The following ADARB2 variants were observed in gnomAD, a reference collection of about 807,000 sequenced individuals.
ADARB2 encodes the protein inactive double-stranded RNA-specific editase B2.
ADARB2 carries 25 observed loss-of-function variants against 62.2 expected under a neutral mutation model. That is an observed-to-expected ratio of 0.40 (90% CI 0.29 to 0.56). ADARB2 has a LOEUF of 0.56. Ranked by LOEUF, ADARB2 falls within the 20% of genes least tolerant of loss-of-function variation. The pLI is 0.43. For missense variants in ADARB2, 1,071 were observed against 1,077.4 expected (o/e 0.99, Z 0.08); for synonymous variants, 572 against 500.8 (o/e 1.14, Z -1.90).
chr10:1,261,415 G>C (rs2131790635), intron 4 of ADARB2, among the ~76,000 whole-genome samples: 1 of 148,114 alleles, frequency 6.8e-6, no homozygotes, highest in East Asian at 2.0e-4. Context: ...CTGACAAAGG[G>C]CTAATACCCA....
At chr10:1,711,111 C>T (rs181965802) in intron 1 of ADARB2, among the ~76,000 whole-genome samples, 31 of 152,288 alleles carry the variant, frequency 2.0e-4, no homozygotes, top group South Asian at 2.1e-4. Flanking sequence ...GCCAGGGACA[C>T]GGGTACCTAA....
Position 1,439,587 on chromosome 10 carries a change from T to TC in ADARB2, c.101-60428dup, listed in dbSNP as rs545084828. ...TCCTTCACTATGGGGCTCCTGAGTC[T>TC]CTCCCAGGATGGAGGCAGGCCCTTC... On this transcript the variant is annotated intron_variant, in intron 1 of 9. Coordinates refer to ENST00000381312, the MANE Select transcript of ADARB2 (RefSeq NM_018702.4). Among the ~76,000 whole-genome samples the TC allele has an allele frequency of 4.8e-4, 43 of 89,698 alleles. 2 individuals carry two copies. The highest frequency in any genetic ancestry group is 8.6e-4 in the South Asian group (2 of 2,338). 58.8% of individuals were successfully genotyped at this position (89,698 alleles called of 152,430 possible). A position where few individuals can be genotyped will look rare whatever the true frequency, so the allele number is the denominator to read the frequency against.
intron 1 of ADARB2, among the ~76,000 whole-genome samples, chr10:1,500,984 C>G (rs892727427): frequency 6.6e-6 from 1 of 152,204 alleles, no homozygotes; most frequent in Non-Finnish European, 1.5e-5. Flanking sequence ...AAGCGATTCT[C>G]CTGCCTTAGC....
chr10:1,317,068 T>C (rs565290860), intron 3 of ADARB2, among the ~76,000 whole-genome samples: 28 of 152,336 alleles, frequency 1.8e-4, no homozygotes, highest in Admixed American at 3.3e-4. Context: ...CGTGGCAAAA[T>C]AAAATAATTC....
intron 7 of ADARB2, among the ~76,000 whole-genome samples, chr10:1,208,763 A>G (rs1407967111): frequency 6.6e-6 from 1 of 152,200 alleles, no homozygotes; most frequent in East Asian, 1.9e-4. Flanking sequence ...ATGTGAGGAC[A>G]CAGTTCTAAG....
intron 1 of ADARB2, among the ~76,000 whole-genome samples, chr10:1,481,256 T>G (rs998789946): frequency 5.3e-5 from 8 of 152,288 alleles, no homozygotes; most frequent in African/African-American, 1.9e-4. Flanking sequence ...AAACTGAATA[T>G]TCACATGTAA....
chr10:1,737,233 T>C lies in ADARB2; in HGVS notation c.-83A>G, dbSNP rs1054008200. 18 of 1,455,904 alleles carry C rather than the reference T, an allele frequency of 1.2e-5. No homozygotes were observed. The Admixed American group carries it at 2.7e-4, about 22-fold the overall frequency. The allele number at this position is 1,455,904 out of a possible 1,614,324, so 90.2% of individuals were successfully genotyped here. A position where few individuals can be genotyped will look rare whatever the true frequency, so the allele number is the denominator to read the frequency against. ...CCTTCCCGGCAGCCGCCGCCGCCGC[T>C]GCTGCGAAGCTTGAGGTTGCAAACC... On this transcript the variant is annotated 5_prime_UTR_variant, in exon 1 of 10. Transcript: ENST00000381312.
chr10:1,580,069 G>A (rs1315142185), intron 1 of ADARB2, among the ~76,000 whole-genome samples: 2 of 152,198 alleles, frequency 1.3e-5, no homozygotes, highest in African/African-American at 4.8e-5. Context: ...GCTGAACAGT[G>A]CCCCCGAATT....
At chr10:1,680,689 C>A (rs1002730654) in intron 1 of ADARB2, among the ~76,000 whole-genome samples, 4 of 152,176 alleles carry the variant, frequency 2.6e-5, no homozygotes, top group African/African-American at 9.7e-5. Flanking sequence ...ATTACCTCCT[C>A]CCAAATCTTC....
chr10:1,205,744 G>C (rs1177072841), intron 7 of ADARB2, among the ~76,000 whole-genome samples: 1 of 152,282 alleles, frequency 6.6e-6, no homozygotes, highest in Non-Finnish European at 1.5e-5. Context: ...CCAGCGCCAA[G>C]AGGAGCGGAT....
At chr10:1,517,001 T>G (rs1201418485) in intron 1 of ADARB2, among the ~76,000 whole-genome samples, 1 of 151,988 alleles carries the variant, frequency 6.6e-6, no homozygotes, top group Non-Finnish European at 1.5e-5. Context: ...CCCTTCCCGG[T>G]TTTTCATCCG....
chr10:1,671,937 C>A (rs1247560983), intron 1 of ADARB2, among the ~76,000 whole-genome samples: 1 of 152,138 alleles, frequency 6.6e-6, no homozygotes, highest in Non-Finnish European at 1.5e-5. Context: ...CACTGGCTGT[C>A]TTTCGGCAAC....
At position 1,304,479 on chromosome 10, in the gene ADARB2, C is replaced by T. The variant is rs1831606730; in HGVS notation, c.1078-33410G>A. On this transcript the variant is annotated intron_variant, in intron 3 of 9. Transcript: ENST00000381312. ...TAGACAGATCAAGGAGACAGAAAGT[C>T]AACAAGGATACCCAGGAATTAAACT... Among the ~76,000 whole-genome samples the T allele has an allele frequency of 2.0e-5, 3 of 152,220 alleles. No individual in the cohort carries two copies. The South Asian group carries it at 6.2e-4, about 32-fold the overall frequency.
At chr10:1,309,047 G>A (rs1217679238) in intron 3 of ADARB2, among the ~76,000 whole-genome samples, 1 of 152,174 alleles carries the variant, frequency 6.6e-6, no homozygotes, top group Non-Finnish European at 1.5e-5. Context: ...TTAACTGATG[G>A]ATATTTAGAC....
chr10:1,654,574 CACTCCCCAGCTTCCCACTT>C (rs1258864770), intron 1 of ADARB2, among the ~76,000 whole-genome samples: 2 of 152,226 alleles, frequency 1.3e-5, no homozygotes, highest in Non-Finnish European at 1.5e-5. Flanking sequence ...GTTCAGGGCT[CACTCCCCAGCTTCCCACTT>C]ACTGCCCACC....
At chr10:1,725,110 G>C (rs986194288) in intron 1 of ADARB2, among the ~76,000 whole-genome samples, 3 of 152,216 alleles carry the variant, frequency 2.0e-5, no homozygotes, top group African/African-American at 7.2e-5. Context: ...TGCAGAGAAG[G>C]AAAGTCCCAA....
chr10:1,326,855 C>G lies in ADARB2; in HGVS notation c.1077+36173G>C, dbSNP rs1347734439. ...GCCTCCCCACGGCCCAGCGCCTCCCCACTGCCCAGCGCCTCCCCACGGCAC... is the reference window on the plus strand; with the variant it reads ...GCCTCCCCACGGCCCAGCGCCTCCCGACTGCCCAGCGCCTCCCCACGGCAC... On this transcript the variant is annotated intron_variant, in intron 3 of 9. Transcript: ENST00000381312. Among the ~76,000 whole-genome samples, 199 of 51,034 alleles carry G rather than the reference C, an allele frequency of 3.9e-3. 14 individuals carry two copies. Among genetic ancestry groups the G allele is most frequent in the African/African-American group, 4.8e-3 (63 of 13,076 alleles). The allele number at this position is 51,034 out of a possible 152,430, so 33.5% of individuals were successfully genotyped here. A position where few individuals can be genotyped will look rare whatever the true frequency, so the allele number is the denominator to read the frequency against.
intron 1 of ADARB2, among the ~76,000 whole-genome samples, chr10:1,475,615 TG>T: frequency 6.6e-6 from 1 of 152,352 alleles, no homozygotes; most frequent in East Asian, 1.9e-4. Context: ...TGTGACACCT[TG>T]TTTTTTCACC....
intron 1 of ADARB2, among the ~76,000 whole-genome samples, chr10:1,579,302 C>T (rs753686260): frequency 6.6e-6 from 1 of 152,204 alleles, no homozygotes. Flanking sequence ...CATCCTCCTA[C>T]GATTGCCTGC....
Sources: allele counts gnomAD v4.1 joint callset (sites outside exome capture counted in the v4.1 genomes callset), GRCh38; gene constraint gnomAD v4.1.1; transcripts MANE v1.5; gene names NCBI Gene and HGNC (gene_info 2026-07-23, HGNC 2026-07-21).